The following DPP10 variants were observed in gnomAD, a reference collection of about 807,000 sequenced individuals.
DPP10 encodes the protein inactive dipeptidyl peptidase 10.
Under a neutral mutation model 120.9 loss-of-function variants are expected in DPP10, and 33 were observed. That is an observed-to-expected ratio of 0.27 (90% CI 0.21 to 0.37). DPP10 has a LOEUF of 0.37. DPP10 is among the 10% of genes least tolerant of loss of function. The pLI is 1.00. For missense variants in DPP10, 816 were observed against 942.8 expected (o/e 0.87, Z 1.76); for synonymous variants, 337 against 326.1 (o/e 1.03, Z -0.36).
intron 1 of DPP10, among the ~76,000 whole-genome samples, chr2:114,554,493 C>A (rs1688134447): frequency 1.3e-5 from 2 of 152,282 alleles, no homozygotes; most frequent in South Asian, 2.1e-4. Context: ...TAGAAGATAA[C>A]CTACCTATTA....
intron 1 of DPP10, among the ~76,000 whole-genome samples, chr2:114,976,106 T>A (rs1448778684): frequency 6.6e-6 from 1 of 152,242 alleles, no homozygotes; most frequent in African/African-American, 2.4e-5. Flanking sequence ...ATGAATTTTT[T>A]AAATGCTCAA....
chr2:115,552,744 TG>T (rs2079953774), intron 5 of DPP10, among the ~76,000 whole-genome samples: 3 of 152,238 alleles, frequency 2.0e-5, no homozygotes, highest in Non-Finnish European at 2.9e-5. Context: ...TATTTATTAA[TG>T]AAAAACCTTA....
chr2:115,106,418 G>T (rs1292432576), intron 1 of DPP10, among the ~76,000 whole-genome samples: 1 of 152,118 alleles, frequency 6.6e-6, no homozygotes, highest in Non-Finnish European at 1.5e-5. Flanking sequence ...AACTAGGACT[G>T]CATCAGAAGA....
At chr2:115,304,191 A>G (rs1407681230) in intron 1 of DPP10, among the ~76,000 whole-genome samples, 3 of 152,016 alleles carry the variant, frequency 2.0e-5, no homozygotes, top group African/African-American at 7.2e-5. Flanking sequence ...CTGATGGAAG[A>G]GGAGACCCCA....
intron 1 of DPP10, among the ~76,000 whole-genome samples, chr2:114,576,068 A>G (rs1395109307): frequency 6.6e-6 from 1 of 152,250 alleles, no homozygotes; most frequent in African/African-American, 2.4e-5. Context: ...TTCTTTATCA[A>G]CAAACTGCTG....
intron 1 of DPP10, among the ~76,000 whole-genome samples, chr2:114,721,847 G>A (rs1421765643): frequency 6.6e-6 from 1 of 152,190 alleles, no homozygotes; most frequent in Non-Finnish European, 1.5e-5. Context: ...TTTGCATCCA[G>A]ACAACTTGAG....
At chr2:115,474,246 T>A (rs535444209) in intron 3 of DPP10, among the ~76,000 whole-genome samples, 2 of 152,170 alleles carry the variant, frequency 1.3e-5, no homozygotes, top group Non-Finnish European at 2.9e-5. Context: ...GAGAAAACTT[T>A]TCTGTTTTGA....
At chr2:115,489,209 C>A (rs2075957161) in intron 3 of DPP10, among the ~76,000 whole-genome samples, 1 of 151,924 alleles carries the variant, frequency 6.6e-6, no homozygotes, top group Non-Finnish European at 1.5e-5. Context: ...CATAAGCAGC[C>A]ATGAGCAATA....
intron 1 of DPP10, among the ~76,000 whole-genome samples, chr2:115,266,366 G>T (rs1166069732): frequency 2.0e-5 from 3 of 152,108 alleles, no homozygotes; most frequent in Non-Finnish European, 4.4e-5. Context: ...GGTCACCTAC[G>T]TGCTATTGTA....
chr2:115,730,986 G>A (rs2092893646), intron 8 of DPP10, among the ~76,000 whole-genome samples: 1 of 152,080 alleles, frequency 6.6e-6, no homozygotes. Flanking sequence ...GCACTTTGAG[G>A]GGGCGAGGTG....
chr2:115,043,690 G>GA (rs547698609), intron 1 of DPP10, among the ~76,000 whole-genome samples: 114 of 152,136 alleles, frequency 7.5e-4, no homozygotes, highest in African/African-American at 2.1e-3. Flanking sequence ...CATCATGAAG[G>GA]AAAAAAGCTA....
chr2:115,278,929 A>G (rs537352603), intron 1 of DPP10, among the ~76,000 whole-genome samples: 2 of 152,292 alleles, frequency 1.3e-5, no homozygotes, highest in South Asian at 4.1e-4. Context: ...CATAAAATTC[A>G]ATGTCTTTTA....
intron 1 of DPP10, among the ~76,000 whole-genome samples, chr2:114,965,180 C>T (rs1265547905): frequency 1.3e-5 from 2 of 151,946 alleles, no homozygotes; most frequent in African/African-American, 2.4e-5. Flanking sequence ...TCTCGTTGCC[C>T]AGGCTGTAGT....
chr2:115,007,040 A>G (rs1410554991), intron 1 of DPP10, among the ~76,000 whole-genome samples: 1 of 152,086 alleles, frequency 6.6e-6, no homozygotes, highest in African/African-American at 2.4e-5. Flanking sequence ...AGTGCAATCC[A>G]ACTAGAACTC....
intron 1 of DPP10, among the ~76,000 whole-genome samples, chr2:115,154,719 T>G (rs1274801338): frequency 6.6e-6 from 1 of 151,904 alleles, no homozygotes; most frequent in Non-Finnish European, 1.5e-5. Context: ...GAGACTGATG[T>G]AGACCCCTAC....
At chr2:115,412,375 G>T (rs1444922484) in intron 3 of DPP10, among the ~76,000 whole-genome samples, 1 of 152,108 alleles carries the variant, frequency 6.6e-6, no homozygotes, top group Non-Finnish European at 1.5e-5. Context: ...CATGTTTTAA[G>T]ATATAAATTC....
intron 1 of DPP10, among the ~76,000 whole-genome samples, chr2:115,225,968 C>T (rs549037415): frequency 2.0e-5 from 3 of 152,236 alleles, no homozygotes; most frequent in South Asian, 2.1e-4. Flanking sequence ...TTATTACTCA[C>T]TAGCAGTATC....
chr2:115,127,712 C>G (rs1365921146), intron 1 of DPP10, among the ~76,000 whole-genome samples: 5 of 152,180 alleles, frequency 3.3e-5, no homozygotes, highest in African/African-American at 1.2e-4. Flanking sequence ...TCTTTGTCAT[C>G]TGTGCATTCT....
At chr2:114,472,286 G>A (rs1286601228) in intron 1 of DPP10, among the ~76,000 whole-genome samples, 1 of 152,216 alleles carries the variant, frequency 6.6e-6, no homozygotes, top group Non-Finnish European at 1.5e-5. Flanking sequence ...GAGAACTATT[G>A]CCTTGAATGT....
Sources: allele counts gnomAD v4.1 joint callset (sites outside exome capture counted in the v4.1 genomes callset), GRCh38; gene constraint gnomAD v4.1.1; transcripts MANE v1.5; gene names NCBI Gene and HGNC (gene_info 2026-07-23, HGNC 2026-07-21).